SNURF: variants seen among roughly 807,000 people sequenced by gnomAD.
The protein encoded by SNURF is SNURF protein.
A neutral mutation model predicts 11.6 loss-of-function variants in SNURF; 6 were observed. The ratio of observed to expected loss-of-function variants is 0.52; its 90% CI spans 0.28 to 1.02. SNURF has a LOEUF of 1.02. Among genes scored for constraint, SNURF ranks in the 50% least tolerant of loss-of-function variants. SNURF has a pLI of 0.09. For synonymous variants in SNURF, 29 were observed against 31.6 expected (o/e 0.92, Z 0.27); for missense variants, 84 against 88.4 (o/e 0.95, Z 0.20).
At chr15:24,968,627 T>G (rs1490294226), downstream of SNURF, among the ~76,000 whole-genome samples, 3 of 152,170 alleles carry the variant, frequency 2.0e-5, no homozygotes, top group Non-Finnish European at 4.4e-5. Flanking sequence ...AGCATTATTT[T>G]AATTCAAATA....
chr15:24,976,527 A>C, intron 5 of SNURF: 1 of 804,554 alleles, frequency 1.2e-6, no homozygotes, highest in South Asian at 1.6e-5. Flanking sequence ...TTGTCAAATA[A>C]AATGTGCCAG....
At chr15:24,969,151 T>C (rs1206519758), downstream of SNURF, among the ~76,000 whole-genome samples, 1 of 152,074 alleles carries the variant, frequency 6.6e-6, no homozygotes, top group Non-Finnish European at 1.5e-5. Flanking sequence ...TATTTAGAGA[T>C]GAAGTTTCAC....
chr15:24,959,115 T>C (rs1467801799), intron 1 of SNURF, among the ~76,000 whole-genome samples: 2 of 152,232 alleles, frequency 1.3e-5, no homozygotes, highest in Non-Finnish European at 2.9e-5. Context: ...CTTTTCAATA[T>C]ATTTCCGGAT....
chr15:24,965,750 T>C (rs1278780544), intron 2 of SNURF, among the ~76,000 whole-genome samples: 1 of 152,180 alleles, frequency 6.6e-6, no homozygotes, highest in Non-Finnish European at 1.5e-5. Context: ...ACTCTATGAA[T>C]TAAATTCTGT....
chr15:24,970,392 C>T (rs2076247002), downstream of SNURF, among the ~76,000 whole-genome samples: 1 of 152,116 alleles, frequency 6.6e-6, no homozygotes. Context: ...CCAACCTGGC[C>T]ACATGGCGAA....
intron 1 of SNURF, among the ~76,000 whole-genome samples, chr15:24,955,732 T>G (rs2062735721): frequency 7.0e-6 from 1 of 143,636 alleles, no homozygotes; most frequent in Admixed American, 6.9e-5. Context: ...AGGAAGTGGC[T>G]GGGAGGTAGG....
At chr15:24,969,822 A>G (rs746504967), downstream of SNURF, among the ~76,000 whole-genome samples, 19 of 152,222 alleles carry the variant, frequency 1.2e-4, no homozygotes, top group Non-Finnish European at 2.4e-4. Context: ...TATCTGGACC[A>G]CTACCTGTGT....
At chr15:24,958,497 T>C (rs993795562) in intron 1 of SNURF, among the ~76,000 whole-genome samples, 2 of 130,584 alleles carry the variant, frequency 1.5e-5, no homozygotes, top group African/African-American at 5.9e-5. Flanking sequence ...TTTTTTTTTT[T>C]TTTTTTTTTT....
intron 1 of SNURF, chr15:24,958,917 T>G (rs1400247420): frequency 6.5e-6 from 1 of 153,198 alleles, no homozygotes; most frequent in Admixed American, 6.5e-5. Context: ...GGGGTCTCCT[T>G]ATGTTGCCCA....
At chr15:24,963,662 TA>T (rs1350900765) in intron 2 of SNURF, among the ~76,000 whole-genome samples, 1 of 152,146 alleles carries the variant, frequency 6.6e-6, no homozygotes, top group East Asian at 1.9e-4. Flanking sequence ...TAATTTATTT[TA>T]TTTTTTTCAA....
chr15:24,977,935 C>T (rs372683782), downstream of SNURF: 38 of 1,537,000 alleles, frequency 2.5e-5, no homozygotes, highest in East Asian at 4.6e-5. Flanking sequence ...TTGGTGAACA[C>T]GAAGACGAAC....
chr15:24,957,709 G>C (rs1273323520), intron 1 of SNURF, among the ~76,000 whole-genome samples: 1 of 152,032 alleles, frequency 6.6e-6, no homozygotes, highest in Non-Finnish European at 1.5e-5. Flanking sequence ...CAGGAGTCTG[G>C]GATTTTATAT....
chr15:24,972,538 ATTCTTT>A (rs2076548860), downstream of SNURF, among the ~76,000 whole-genome samples: 1 of 138,572 alleles, frequency 7.2e-6, no homozygotes, highest in African/African-American at 2.7e-5. Flanking sequence ...GCATTAGAGT[ATTCTTT>A]TTTTTTTTTT....
At chr15:24,957,506 AATC>A (rs2063124525) in intron 1 of SNURF, among the ~76,000 whole-genome samples, 1 of 152,312 alleles carries the variant, frequency 6.6e-6, no homozygotes, top group African/African-American at 2.4e-5. Context: ...TTTTTTAAAA[AATC>A]ATTTTATTCT....
At chr15:24,972,034 T>C (rs554625086), downstream of SNURF, among the ~76,000 whole-genome samples, 29 of 152,202 alleles carry the variant, frequency 1.9e-4, no homozygotes, top group African/African-American at 5.8e-4. Context: ...GGCCGGCAGG[T>C]CACCTGAAGT....
intron 2 of SNURF, among the ~76,000 whole-genome samples, 158 bp from the exon 3 acceptor site, chr15:24,967,774 C>T (rs557045770): frequency 6.9e-6 from 1 of 144,874 alleles, no homozygotes; most frequent in Non-Finnish European, 1.5e-5. Context: ...CTTCATTGCA[C>T]TCCAGCCTGG....
chr15:24,963,283 A>C (rs2075124223), intron 2 of SNURF, among the ~76,000 whole-genome samples: 1 of 152,182 alleles, frequency 6.6e-6, no homozygotes, highest in African/African-American at 2.4e-5. Context: ...GTTTGTTTGC[A>C]TTGTTTGGCT....
chr15:24,955,081 TTCTCTCAAGAGACAGCCTGG>T lies in SNURF; in HGVS notation c.14+20_14+39del, dbSNP rs776908052. ...GGGCAAGGTCAGCTGTGCCGGTGGC[TTCTCTCAAGAGACAGCCTGG>T]GGAGCGGCCACTTTTATTCATCAGA... On this transcript the variant is annotated intron_variant, in intron 1 of 2. Transcript: ENST00000577949. 1.2e-6 allele frequency: 2 copies of T among 1,613,592 alleles called. No homozygotes were observed. The highest frequency in any genetic ancestry group is 3.3e-5 in the Admixed American group (2 of 60,026).
At chr15:24,976,237 G>A in intron 4 of SNURF, 1 of 1,191,726 alleles carries the variant, frequency 8.4e-7, no homozygotes, top group Non-Finnish European at 1.2e-6. Context: ...ACTTGAGGTT[G>A]TATAAATATT....
Sources: gnomAD v4.1 joint callset for allele counts (sites outside exome capture counted in the v4.1 genomes callset) on GRCh38, gnomAD v4.1.1 for gene constraint, MANE v1.5 for transcripts, NCBI Gene and HGNC (gene_info 2026-07-23, HGNC 2026-07-21) for gene names.